The following EPHA7 variants were observed in gnomAD, a reference collection of about 807,000 sequenced individuals.
The protein encoded by EPHA7 is EPH receptor A7.
In EPHA7, 25 loss-of-function variants were observed where a neutral mutation model predicts 112.6. The observed-to-expected ratio is 0.22, with a 90% CI of 0.16 to 0.31. The LOEUF (loss-of-function observed/expected upper bound fraction) is 0.31, where lower values mean the gene tolerates loss of function less well. Ranked by LOEUF, EPHA7 falls within the 10% of genes least tolerant of loss-of-function variation. EPHA7 has a pLI of 1.00. For missense variants in EPHA7, 962 were observed against 1,212.6 expected (o/e 0.79, Z 3.07); for synonymous variants, 437 against 406.5 (o/e 1.07, Z -0.90).
intron 5 of EPHA7, among the ~76,000 whole-genome samples, chr6:93,307,408 C>T (rs552198139): frequency 3.5e-4 from 53 of 152,192 alleles, no homozygotes; most frequent in African/African-American, 1.2e-3. Flanking sequence ...GCAGTGATTT[C>T]TAGCTTACTC....
chr6:93,282,860 ACCCTGCCAT>A (rs1364244752), intron 5 of EPHA7, among the ~76,000 whole-genome samples: 3 of 151,976 alleles, frequency 2.0e-5, no homozygotes, highest in Non-Finnish European at 4.4e-5. Context: ...CAGGACCTGC[ACCCTGCCAT>A]GCCTGAGCCT....
At chr6:93,405,204 A>T in intron 3 of EPHA7, among the ~76,000 whole-genome samples, 1 of 151,792 alleles carries the variant, frequency 6.6e-6, no homozygotes, top group East Asian at 1.9e-4. Flanking sequence ...TTTTATACAA[A>T]TTTTTGTTTT....
chr6:93,295,688 T>C (rs1482835090), intron 5 of EPHA7, among the ~76,000 whole-genome samples: 1 of 151,810 alleles, frequency 6.6e-6, no homozygotes, highest in Non-Finnish European at 1.5e-5. Flanking sequence ...TGTTTATTTA[T>C]TTTCCCTACA....
At chr6:93,331,502 A>G (rs1452240570) in intron 5 of EPHA7, among the ~76,000 whole-genome samples, 1 of 151,436 alleles carries the variant, frequency 6.6e-6, no homozygotes, top group African/African-American at 2.4e-5. Context: ...CATGAGTCTT[A>G]CTTTTTGATT....
chr6:93,400,311 T>C (rs1396317022), intron 3 of EPHA7, among the ~76,000 whole-genome samples: 1 of 152,102 alleles, frequency 6.6e-6, no homozygotes, highest in Non-Finnish European at 1.5e-5. Context: ...TAAACTACTA[T>C]TAAAATAAAC....
chr6:93,391,984 TTAAA>T (rs1777931702), intron 3 of EPHA7, among the ~76,000 whole-genome samples: 1 of 151,962 alleles, frequency 6.6e-6, no homozygotes, highest in Non-Finnish European at 1.5e-5. Context: ...CTCAATTTCC[TTAAA>T]TAAAATGGAA....
intron 14 of EPHA7, 83 bp downstream of exon 14, chr6:93,254,564 T>A: frequency 9.1e-7 from 1 of 1,093,940 alleles, no homozygotes; most frequent in Non-Finnish European, 1.3e-6. Flanking sequence ...AAAGTGTTCT[T>A]AATGAGCCTT....
At chr6:93,247,485 A>C (rs777477519) in intron 14 of EPHA7, among the ~76,000 whole-genome samples, 1 of 152,180 alleles carries the variant, frequency 6.6e-6, no homozygotes, top group Non-Finnish European at 1.5e-5. Context: ...AATAATATGA[A>C]GCTTATTGTT....
chr6:93,336,693 G>C (rs1446278008), intron 5 of EPHA7, among the ~76,000 whole-genome samples: 1 of 151,966 alleles, frequency 6.6e-6, no homozygotes, highest in Non-Finnish European at 1.5e-5. Context: ...GAGCCACCCT[G>C]CCCAGCTCCT....
chr6:93,318,890 G>GA (rs1490430062), intron 5 of EPHA7, among the ~76,000 whole-genome samples: 1 of 152,010 alleles, frequency 6.6e-6, no homozygotes, highest in Non-Finnish European at 1.5e-5. Context: ...AAAATACAAT[G>GA]AATTTTTCTG....
At chr6:93,337,630 G>T (rs1460122552) in intron 5 of EPHA7, among the ~76,000 whole-genome samples, 2 of 152,086 alleles carry the variant, frequency 1.3e-5, no homozygotes, top group African/African-American at 2.4e-5. Context: ...AGAGCTGGCA[G>T]GAAAAGAAAA....
chr6:93,340,348 T>A (rs184054857), intron 5 of EPHA7, among the ~76,000 whole-genome samples: 11 of 151,852 alleles, frequency 7.2e-5, no homozygotes, highest in Non-Finnish European at 1.3e-4. Context: ...CATGAATGTA[T>A]CTAATGAAAA....
At chr6:93,390,398 T>C (rs918068400) in intron 3 of EPHA7, among the ~76,000 whole-genome samples, 3 of 151,788 alleles carry the variant, frequency 2.0e-5, no homozygotes, top group Non-Finnish European at 4.4e-5. Flanking sequence ...ATTAACTACA[T>C]AGAAACTACA....
At chr6:93,322,999 G>T (rs931169660) in intron 5 of EPHA7, among the ~76,000 whole-genome samples, 2 of 151,400 alleles carry the variant, frequency 1.3e-5, no homozygotes, top group African/African-American at 4.8e-5. Flanking sequence ...TTTGAATGAA[G>T]ATTTTATTAA....
At chr6:93,379,316 T>C (rs1470744585) in intron 3 of EPHA7, among the ~76,000 whole-genome samples, 1 of 152,060 alleles carries the variant, frequency 6.6e-6, no homozygotes, top group African/African-American at 2.4e-5. Context: ...ATTTGACAAA[T>C]AATTCTATAA....
chr6:93,272,991 CA>C (rs1771300525), intron 5 of EPHA7, among the ~76,000 whole-genome samples: 1 of 151,794 alleles, frequency 6.6e-6, no homozygotes, highest in African/African-American at 2.4e-5. Flanking sequence ...CAAGAAAATG[CA>C]AAGGCTGCCT....
intron 5 of EPHA7, among the ~76,000 whole-genome samples, chr6:93,293,721 TAAGTGAGC>T (rs1772503570): frequency 6.6e-6 from 1 of 152,182 alleles, no homozygotes; most frequent in South Asian, 2.1e-4. Flanking sequence ...GCAGCAGCAA[TAAGTGAGC>T]ATCACAAACA....
In EPHA7 at chr6:93,257,537, A is replaced by C; in HGVS notation, c.2111-14T>G. On this transcript the variant is annotated splice_polypyrimidine_tract_variant and intron_variant, in intron 11 of 16. Transcript: ENST00000369303. ...TGACTGGTTTCCCTAAAATTAAAAA[A>C]AAAAAGTTTCAGGAGTCGTAACCTG... is the stretch of plus-strand genomic sequence containing the variant. The C allele has an allele frequency of 6.3e-7, 1 of 1,599,770 alleles. No individual in the cohort carries two copies. Among genetic ancestry groups the C allele is most frequent in the Non-Finnish European group, 8.5e-7 (1 of 1,173,228 alleles).
intron 3 of EPHA7, among the ~76,000 whole-genome samples, chr6:93,368,726 A>G (rs961499327): frequency 1.3e-5 from 2 of 152,196 alleles, no homozygotes; most frequent in East Asian, 1.9e-4. Flanking sequence ...AAAGCAGTCC[A>G]AGACATGGGC....
Sources: gnomAD v4.1 joint callset for allele counts (sites outside exome capture counted in the v4.1 genomes callset) on GRCh38, gnomAD v4.1.1 for gene constraint, MANE v1.5 for transcripts, NCBI Gene and HGNC (gene_info 2026-07-23, HGNC 2026-07-21) for gene names.